The following SLTM variants were observed in gnomAD, a reference collection of about 807,000 sequenced individuals.
SLTM encodes the protein SAFB-like transcription modulator.
In SLTM, 43 loss-of-function variants were observed where a neutral mutation model predicts 134.6. The ratio of observed to expected loss-of-function variants is 0.32; its 90% CI spans 0.25 to 0.41. The LOEUF (loss-of-function observed/expected upper bound fraction) is 0.41, where lower values mean the gene tolerates loss of function less well. SLTM is among the 10% of genes least tolerant of loss of function. The probability of loss-of-function intolerance (pLI) is 1.00; values close to 1 mark genes in which losing one functional copy is unlikely to be tolerated. For synonymous variants in SLTM, 424 were observed against 432.3 expected, an observed-to-expected ratio of 0.98 and a Z score of 0.24; for missense variants, 1,055 against 1,288.8, an observed-to-expected ratio of 0.82 and a Z score of 2.78.
chr15:58,883,660 G>A lies in SLTM; in HGVS notation c.2962C>T (p.Arg988Trp), dbSNP rs1181388768. 6.2e-7 allele frequency: 1 copy of A among 1,613,940 alleles called. No individual in the cohort carries two copies. The highest frequency in any genetic ancestry group is 8.5e-7 in the Non-Finnish European group (1 of 1,180,030). The change falls in exon 20 of 21, where the codon CGG becomes TGG. Residue 988 changes from arginine (R) to tryptophan (W), a missense_variant. Arg to Trp is a moderately radical substitution (Grantham distance 101). Coordinates refer to ENST00000380516, the MANE Select transcript of SLTM (RefSeq NM_024755.4). Reference protein sequence around the residue: ...YHDTRRMGDGRAGAGMITQHS... With the variant: ...YHDTRRMGDGWAGAGMITQHS... ...TGGGTTATCATGCCTGCTCCTGCCC[G>A]GCCGTCACCCATTCGCCTCGTATCA...
intron 5 of SLTM, among the ~76,000 whole-genome samples, chr15:58,911,518 G>A (rs1807386730): frequency 6.6e-6 from 1 of 151,838 alleles, no homozygotes; most frequent in Non-Finnish European, 1.5e-5. Flanking sequence ...CCCTTCACGG[G>A]GGATGCATGC....
intron 3 of SLTM, among the ~76,000 whole-genome samples, chr15:58,915,172 C>CA (rs769259356): frequency 6.6e-6 from 1 of 152,008 alleles, no homozygotes; most frequent in Non-Finnish European, 1.5e-5. Context: ...GCCTGGGCAA[C>CA]AGGGCGAGAC....
chr15:58,899,638 A>G lies in SLTM; in HGVS notation c.889T>C (p.Tyr297His). 2 of 1,614,134 alleles carry G rather than the reference A, an allele frequency of 1.2e-6. No homozygotes were observed. Among genetic ancestry groups the G allele is most frequent in the Non-Finnish European group, 1.7e-6 (2 of 1,180,012 alleles). Residue 297 changes from tyrosine (Y) to histidine (H), a missense_variant, in exon 7 of 21, where the codon TAT becomes CAT. Tyr to His is a moderately conservative substitution (Grantham distance 83). Around this residue, in one of 3 missense-constraint regions of SLTM, gnomAD observed 776 missense variants for 962.2 expected, o/e 0.81. Coordinates refer to ENST00000380516, the MANE Select transcript of SLTM (RefSeq NM_024755.4). This position sits in a 1 kb window ranked among gnomAD's most constrained non-coding sequence, Gnocchi z 5.0. ...TCTTTATGGTTCGCATTCATCTCAT[A>G]ATCCTTGCTTTCCTTCTCCGGGCTC... is the stretch of plus-strand genomic sequence containing the variant. ...AQSPEKESKD[Y>H]EMNANHKDGK...
intron 20 of SLTM, among the ~76,000 whole-genome samples, chr15:58,882,897 C>A (rs926616283): frequency 1.3e-5 from 2 of 152,210 alleles, no homozygotes; most frequent in Non-Finnish European, 2.9e-5. Flanking sequence ...TGTTAAATGT[C>A]TAAAAGCCTT....
chr15:58,905,059 G>A (rs189292371), intron 5 of SLTM, among the ~76,000 whole-genome samples: 224 of 152,244 alleles, frequency 1.5e-3, no homozygotes, highest in Middle Eastern at 3.4e-3. Context: ...GGCCAGGCTG[G>A]TCTTGAACTC....
At chr15:58,883,878 A>G in intron 19 of SLTM, 92 bp from the exon 20 acceptor site, 25 of 1,414,632 alleles carry the variant, frequency 1.8e-5, no homozygotes, top group Non-Finnish European at 2.3e-5. Flanking sequence ...CAGGCGGATC[A>G]CCTGAGGTCA....
intron 2 of SLTM, among the ~76,000 whole-genome samples, chr15:58,925,849 C>T (rs1281278334): frequency 6.6e-6 from 1 of 152,154 alleles, no homozygotes; most frequent in African/African-American, 2.4e-5. Flanking sequence ...AATTACCTTT[C>T]TATTCTACCA....
rs572886790 is a variant in SLTM at position 58,888,330 on chromosome 15, G to T, written c.2375+55C>A. On this transcript the variant is annotated intron_variant, in intron 17 of 20. Transcript: ENST00000380516. The stretch of plus-strand genomic sequence containing the variant: ...TCCAGTTAAGATTTTAGGAGAAACA[G>T]AGTTATCACTAGCAAGGCTCATAAA... 959 of 1,446,524 alleles carry T rather than the reference G, an allele frequency of 6.6e-4. 10 individuals carry two copies. The Admixed American group carries it at 0.011, about 17-fold the overall frequency. 89.6% of individuals were successfully genotyped at this position (1,446,524 alleles called of 1,614,324 possible).
At chr15:58,903,466 C>A (rs1267957975) in intron 5 of SLTM, among the ~76,000 whole-genome samples, 1 of 148,534 alleles carries the variant, frequency 6.7e-6, no homozygotes, top group Non-Finnish European at 1.5e-5. Flanking sequence ...GCATCAGAAT[C>A]CCCTGGAGGG....
chr15:58,907,163 A>AT (rs1369075226), intron 5 of SLTM, among the ~76,000 whole-genome samples: 4 of 152,178 alleles, frequency 2.6e-5, no homozygotes, highest in Admixed American at 2.6e-4. Context: ...TGTGGAGGAG[A>AT]TAAGAGGTGA....
At chr15:58,912,733 G>T in intron 4 of SLTM, 123 bp from the exon 5 acceptor site, 2 of 734,314 alleles carry the variant, frequency 2.7e-6, no homozygotes, top group South Asian at 1.6e-5. Context: ...GATACCATGG[G>T]TACTAAATCA....
At chr15:58,930,591 T>A in intron 2 of SLTM, among the ~76,000 whole-genome samples, 1 of 151,764 alleles carries the variant, frequency 6.6e-6, no homozygotes, top group Non-Finnish European at 1.5e-5. Flanking sequence ...CACATGCCTG[T>A]AGTCCCAGCT....
In SLTM at chr15:58,879,790, A is replaced by T. The variant is rs1325984958; in HGVS notation, c.*209T>A. 3.3e-5 allele frequency: 18 copies of T among 550,034 alleles called. 1 individual carries two copies. Among genetic ancestry groups the T allele is most frequent in the Non-Finnish European group, 5.3e-5 (18 of 340,188 alleles). The allele number at this position is 550,034 out of a possible 1,614,324, so 34.1% of individuals were successfully genotyped here. A position where few individuals can be genotyped will look rare whatever the true frequency, so the allele number is the denominator to read the frequency against. Reference sequence around the variant, plus strand: ...TGTGCCTCGGTGCTGCAAGAAAAAAAGTTGAATGATACACAAAACTATTAA... The same window carrying T: ...TGTGCCTCGGTGCTGCAAGAAAAAATGTTGAATGATACACAAAACTATTAA... On this transcript the variant is annotated 3_prime_UTR_variant, in exon 21 of 21. Transcript: ENST00000380516.
At chr15:58,887,635 C>A (rs1386194539) in intron 17 of SLTM, 95 bp from the exon 18 acceptor site, 12 of 1,493,450 alleles carry the variant, frequency 8.0e-6, no homozygotes, top group Admixed American at 2.4e-5. Context: ...AATAATGAAA[C>A]CAAAAAATGA....
chr15:58,904,438 G>C (rs766054154), intron 5 of SLTM, among the ~76,000 whole-genome samples: 11 of 152,080 alleles, frequency 7.2e-5, no homozygotes, highest in Non-Finnish European at 1.3e-4. Flanking sequence ...ATACTAAAAA[G>C]CTCGGCCATA....
intron 2 of SLTM, 67 bp downstream of exon 2, chr15:58,932,289 G>T: frequency 8.8e-7 from 1 of 1,131,132 alleles, no homozygotes; most frequent in Non-Finnish European, 1.3e-6. Flanking sequence ...AGGGCAAGAG[G>T]CACAAGAGCA....
At chr15:58,930,910 A>C (rs1339630499) in intron 2 of SLTM, among the ~76,000 whole-genome samples, 2 of 152,184 alleles carry the variant, frequency 1.3e-5, no homozygotes, top group East Asian at 3.9e-4. Flanking sequence ...AATTAAAAGT[A>C]GGTGAGAAAG....
chr15:58,887,372 C>G lies in SLTM; in HGVS notation c.2544G>C (p.Gly848=). The change falls in exon 18 of 21, where the codon GGG becomes GGC. Residue 848 remains glycine, a synonymous_variant. Transcript: ENST00000380516. ...TCACCGTTCTCCTTTCGTCTCGCTC[C>G]CCTCGTACTTCTCGCCTGTCTGATT... ...LRESDRREVR[G]ERDERRTVII... is the part of the protein sequence containing the mutation. 2 of 1,613,816 alleles carry G rather than the reference C, an allele frequency of 1.2e-6. No homozygotes were observed. The highest frequency in any genetic ancestry group is 1.1e-5 in the South Asian group (1 of 91,056).
intron 17 of SLTM, 109 bp from the exon 18 acceptor site, chr15:58,887,649 TAAGGCA>T: frequency 6.7e-7 from 1 of 1,484,302 alleles, no homozygotes. Context: ...AAAATGAACT[TAAGGCA>T]AAGCCATGGA....
Sources: allele counts gnomAD v4.1 joint callset (sites outside exome capture counted in the v4.1 genomes callset), GRCh38; gene constraint gnomAD v4.1.1; regional missense constraint gnomAD v4.1.1; non-coding constraint Gnocchi (gnomAD v3.1); transcripts MANE v1.5; gene names NCBI Gene and HGNC (gene_info 2026-07-23, HGNC 2026-07-21).